The following ZC3H11A variants were observed in gnomAD, a reference collection of about 807,000 sequenced individuals.
ZC3H11A encodes the protein zinc finger CCCH domain-containing protein 11A.
In ZC3H11A, 22 loss-of-function variants were observed where a neutral mutation model predicts 90.8. The observed-to-expected ratio is 0.24, with a 90% CI of 0.17 to 0.35. The LOEUF (loss-of-function observed/expected upper bound fraction) is 0.35, where lower values mean the gene tolerates loss of function less well. Ranked by LOEUF, ZC3H11A falls within the 10% of genes least tolerant of loss-of-function variation. The probability of loss-of-function intolerance (pLI) is 1.00; values close to 1 mark genes in which losing one functional copy is unlikely to be tolerated. For missense variants in ZC3H11A, 701 were observed against 964.9 expected (o/e 0.73, Z 3.62); for synonymous variants, 294 against 339.8 (o/e 0.87, Z 1.48).
At position 203,852,123 on chromosome 1, in the gene ZC3H11A, A is replaced by T. The variant is rs759123086; in HGVS notation, c.2175-18A>T. The T allele has an allele frequency of 1.2e-6, 2 of 1,612,932 alleles. No individual in the cohort carries two copies. Among genetic ancestry groups the T allele is most frequent in the Non-Finnish European group, 1.7e-6 (2 of 1,179,696 alleles). ...TTTTTAAAACGGCAGTTTTCTAATA[A>T]TCTTTTTTTTCTTACAGTCTTGTGC... On this transcript the variant is annotated intron_variant, in intron 17 of 17. Coordinates refer to ENST00000367210, the MANE Select transcript of ZC3H11A (RefSeq NM_001376342.1).
At chr1:203,796,509 A>G in intron 1 of ZC3H11A, 2 of 398,984 alleles carry the variant, frequency 5.0e-6, no homozygotes, top group South Asian at 1.3e-4. Context: ...GCGGATTCCT[A>G]TGGGGAAGGC....
At chr1:203,801,513 A>G (rs1246369533) in intron 1 of ZC3H11A, 62 bp from the exon 2 acceptor site, 1 of 152,582 alleles carries the variant, frequency 6.6e-6, no homozygotes, top group Non-Finnish European at 1.5e-5. Context: ...GTAAAAGTCT[A>G]TTAAAAGTTT....
chr1:203,824,191 C>T (rs1177146188), intron 4 of ZC3H11A, among the ~76,000 whole-genome samples: 1 of 151,080 alleles, frequency 6.6e-6, no homozygotes, highest in African/African-American at 2.4e-5. Flanking sequence ...TCGCTTGAAC[C>T]TGGGAGGTGG....
At chr1:203,850,965 G>A in intron 16 of ZC3H11A, 92 bp from the exon 17 acceptor site, 1 of 1,439,640 alleles carries the variant, frequency 6.9e-7, no homozygotes, top group Non-Finnish European at 9.6e-7. Flanking sequence ...AAGAATCATA[G>A]CCACAATTCT....
At chr1:203,800,688 TGA>T (rs1038501264) in intron 1 of ZC3H11A, 62 of 380,046 alleles carry the variant, frequency 1.6e-4, no homozygotes, top group African/African-American at 1.3e-3. Context: ...CTTATACCAA[TGA>T]GAGAGAAGAT....
At chr1:203,846,003 A>G (rs1687786285) in intron 12 of ZC3H11A, among the ~76,000 whole-genome samples, 1 of 147,764 alleles carries the variant, frequency 6.8e-6, no homozygotes, top group Non-Finnish European at 1.5e-5. Flanking sequence ...CAGACTGGGT[A>G]TGGTGGCTCA....
intron 12 of ZC3H11A, among the ~76,000 whole-genome samples, chr1:203,844,362 G>T (rs1305180849): frequency 6.6e-6 from 1 of 151,478 alleles, no homozygotes; most frequent in Admixed American, 6.6e-5. Context: ...GTTTCACCCT[G>T]TTGGCCAGGC....
chr1:203,814,689 C>T (rs1358837575), intron 2 of ZC3H11A, among the ~76,000 whole-genome samples: 2 of 152,152 alleles, frequency 1.3e-5, no homozygotes, highest in Non-Finnish European at 2.9e-5. Context: ...CTTCCAGCCT[C>T]CACCTATGAC....
chr1:203,802,984 C>T lies in ZC3H11A; in HGVS notation c.-178C>T, dbSNP rs920522315. 5.9e-5 allele frequency: 9 copies of T among 152,644 alleles called. No homozygotes were observed. The highest frequency in any genetic ancestry group is 2.2e-4 in the African/African-American group (9 of 41,542). 9.5% of individuals were successfully genotyped at this position (152,644 alleles called of 1,614,324 possible). ...GTAATAGATTGGAACTCAGTGAAGA[C>T]ACAGATGTTCCTGTTCAGAGCAACC... On this transcript the variant is annotated 5_prime_UTR_variant, in exon 2 of 18. Transcript: ENST00000367210.
At chr1:203,799,245 G>C (rs927468726) in intron 1 of ZC3H11A, 1 of 837,110 alleles carries the variant, frequency 1.2e-6, no homozygotes, top group Non-Finnish European at 2.0e-6. Context: ...TGCAATCAAA[G>C]ATGGTGGTTT....
At chr1:203,833,404 C>T (rs561059394) in intron 9 of ZC3H11A, among the ~76,000 whole-genome samples, 8 of 146,468 alleles carry the variant, frequency 5.5e-5, no homozygotes, top group Admixed American at 4.1e-4. Context: ...TGGTAGTGTG[C>T]GCAGTAGTCC....
intron 2 of ZC3H11A, chr1:203,806,308 C>CT (rs201752688): frequency 0.027 from 5,656 of 209,498 alleles, no homozygotes; most frequent in South Asian, 0.065. Flanking sequence ...TTTCTTTTTC[C>CT]TTTTTTTTTT....
intron 2 of ZC3H11A, among the ~76,000 whole-genome samples, chr1:203,815,378 G>A (rs1442128495): frequency 4.1e-5 from 2 of 48,656 alleles, no homozygotes; most frequent in Non-Finnish European, 7.6e-5. Context: ...ACCACACCCA[G>A]CTTTTTTTTT....
intron 17 of ZC3H11A, 131 bp downstream of exon 17, chr1:203,851,255 A>G: frequency 3.7e-6 from 3 of 805,702 alleles, no homozygotes; most frequent in Non-Finnish European, 5.8e-6. Context: ...TAATTGCAAG[A>G]AAGTATGAAA....
Position 203,847,404 on chromosome 1 carries a change from G to A in ZC3H11A, c.1263G>A (p.Glu421=). The part of the protein sequence containing the change: ...AEKKHRQQEA[E]RQKSKKDTTC... ...AAAAACATCGGCAGCAGGAAGCAGA[G>A]AGACAAAAAAGCAAAAAGGATACAA... The change falls in exon 13 of 18, where the codon GAG becomes GAA. Residue 421 remains glutamate, a synonymous_variant. Transcript: ENST00000367210. The A allele has an allele frequency of 6.2e-7, 1 of 1,613,918 alleles. No individual in the cohort carries two copies. Among genetic ancestry groups the A allele is most frequent in the Non-Finnish European group, 8.5e-7 (1 of 1,179,860 alleles).
chr1:203,820,895 G>C (rs1286228691), intron 4 of ZC3H11A, among the ~76,000 whole-genome samples: 1 of 152,044 alleles, frequency 6.6e-6, no homozygotes, highest in Non-Finnish European at 1.5e-5. Flanking sequence ...CATTATAAAG[G>C]CTTTCTTTTT....
At chr1:203,828,669 C>G (rs1435256777) in intron 5 of ZC3H11A, among the ~76,000 whole-genome samples, 1 of 152,094 alleles carries the variant, frequency 6.6e-6, no homozygotes, top group Admixed American at 6.6e-5. Flanking sequence ...CTTATCAGAC[C>G]CATAAACGTT....
At chr1:203,826,973 C>T (rs979065225) in intron 4 of ZC3H11A, among the ~76,000 whole-genome samples, 5 of 152,112 alleles carry the variant, frequency 3.3e-5, no homozygotes, top group Admixed American at 1.3e-4. Flanking sequence ...TGTTACTAAC[C>T]ACATCCCCAA....
chr1:203,803,353 G>C (rs573196239), intron 2 of ZC3H11A, among the ~76,000 whole-genome samples: 6 of 152,108 alleles, frequency 3.9e-5, no homozygotes, highest in African/African-American at 1.2e-4. Flanking sequence ...CACTACACCG[G>C]ATAATTTTTG....
Sources: gnomAD v4.1 joint callset for allele counts (sites outside exome capture counted in the v4.1 genomes callset) on GRCh38, gnomAD v4.1.1 for gene constraint, MANE v1.5 for transcripts, NCBI Gene and HGNC (gene_info 2026-07-23, HGNC 2026-07-21) for gene names.